Variants in PLXDC2 observed in about 807,000 individuals in gnomAD.
PLXDC2 encodes plexin domain-containing protein 2.
Under a neutral mutation model 68.9 loss-of-function variants are expected in PLXDC2, and 40 were observed. That is an observed-to-expected ratio of 0.58 (90% CI 0.45 to 0.76). The LOEUF (loss-of-function observed/expected upper bound fraction) is 0.76. Among genes scored for constraint, PLXDC2 ranks in the 30% least tolerant of loss-of-function variants. The pLI is 0.00. For synonymous variants in PLXDC2, 243 were observed against 234.2 expected, an observed-to-expected ratio of 1.04 and a Z score of -0.34; for missense variants, 644 against 661.9, an observed-to-expected ratio of 0.97 and a Z score of 0.30.
At chr10:19,843,648 T>C (rs1452814882) in intron 1 of PLXDC2, among the ~76,000 whole-genome samples, 1 of 152,186 alleles carries the variant, frequency 6.6e-6, no homozygotes, top group African/African-American at 2.4e-5. Context: ...GTCATTATAT[T>C]AGGGGAAATA....
At chr10:19,897,094 C>G (rs1203278634) in intron 1 of PLXDC2, among the ~76,000 whole-genome samples, 2 of 152,196 alleles carry the variant, frequency 1.3e-5, no homozygotes, top group Admixed American at 6.5e-5. Flanking sequence ...GTTTTACACT[C>G]TTTTCTTATC....
chr10:20,046,397 T>G (rs1260764815), intron 2 of PLXDC2, among the ~76,000 whole-genome samples: 1 of 152,118 alleles, frequency 6.6e-6, no homozygotes, highest in Non-Finnish European at 1.5e-5. Context: ...GCAAAACATT[T>G]AATCATTATT....
intron 12 of PLXDC2, among the ~76,000 whole-genome samples, chr10:20,240,363 C>T (rs977627573): frequency 6.6e-6 from 1 of 152,090 alleles, no homozygotes. Context: ...GATTCCATGT[C>T]TTTGCTATTG....
At chr10:20,206,502 T>A (rs780853272) in intron 9 of PLXDC2, among the ~76,000 whole-genome samples, 24 of 151,666 alleles carry the variant, frequency 1.6e-4, no homozygotes, top group Non-Finnish European at 2.9e-4. Flanking sequence ...AAAGGTAGAG[T>A]CATGAAAGAG....
intron 1 of PLXDC2, among the ~76,000 whole-genome samples, chr10:19,846,403 G>C (rs1031293969): frequency 6.6e-6 from 1 of 152,114 alleles, no homozygotes; most frequent in African/African-American, 2.4e-5. Flanking sequence ...GAGGGAAAAA[G>C]AAAGTCAAGT....
intron 12 of PLXDC2, among the ~76,000 whole-genome samples, chr10:20,238,694 C>CACACATATATATGTATATATATATATAT (rs1835472370): frequency 8.6e-5 from 2 of 23,338 alleles, no homozygotes; most frequent in Admixed American, 6.9e-4. Context: ...TATATATATA[C>CACACATATATATGTATATATATATATAT]ACACATATAT....
At chr10:20,228,053 A>G (rs976293604) in intron 12 of PLXDC2, among the ~76,000 whole-genome samples, 26 of 152,156 alleles carry the variant, frequency 1.7e-4, no homozygotes, top group Non-Finnish European at 7.3e-5. Flanking sequence ...GTGCCATTGA[A>G]TAGGAAATAC....
intron 1 of PLXDC2, among the ~76,000 whole-genome samples, chr10:19,915,957 C>G (rs966890970): frequency 6.6e-6 from 1 of 152,010 alleles, no homozygotes; most frequent in Non-Finnish European, 1.5e-5. Context: ...TTTTTCCCTT[C>G]CCTCTATCTC....
intron 1 of PLXDC2, among the ~76,000 whole-genome samples, chr10:19,936,031 C>A (rs1343400235): frequency 6.6e-6 from 1 of 152,140 alleles, no homozygotes; most frequent in Non-Finnish European, 1.5e-5. Flanking sequence ...AATTTGAAAT[C>A]GTTGAGAAAC....
intron 4 of PLXDC2, among the ~76,000 whole-genome samples, chr10:20,142,847 C>A (rs1043152180): frequency 2.0e-5 from 3 of 151,560 alleles, no homozygotes; most frequent in East Asian, 3.9e-4. Flanking sequence ...TACCAGATGT[C>A]GTTTCTAAAA....
At chr10:19,879,152 T>C (rs981293935) in intron 1 of PLXDC2, among the ~76,000 whole-genome samples, 1 of 152,122 alleles carries the variant, frequency 6.6e-6, no homozygotes, top group Non-Finnish European at 1.5e-5. Context: ...ATCCCTTCAT[T>C]TAGGGGACTA....
chr10:19,952,099 A>G lies in PLXDC2; in HGVS notation c.113-49676A>G, dbSNP rs537993545. Among the ~76,000 whole-genome samples, 12 of 152,314 alleles carry G rather than the reference A, an allele frequency of 7.9e-5. No individual in the cohort carries two copies. In the South Asian group the frequency reaches 2.5e-3, roughly 32 times the overall value. ...ATACCCCAAATGGCAGCATCATGCCATATACCCTTGTAGCAATCCTGCACA... is the reference window on the plus strand; with the variant it reads ...ATACCCCAAATGGCAGCATCATGCCGTATACCCTTGTAGCAATCCTGCACA... On this transcript the variant is annotated intron_variant, in intron 1 of 13. Coordinates refer to ENST00000377252, the MANE Select transcript of PLXDC2 (RefSeq NM_032812.9).
intron 1 of PLXDC2, among the ~76,000 whole-genome samples, chr10:19,883,183 C>T (rs1459937877): frequency 2.0e-5 from 3 of 151,972 alleles, no homozygotes; most frequent in East Asian, 3.9e-4. Flanking sequence ...AGGATGGTCT[C>T]GATCTCCTGA....
intron 13 of PLXDC2, among the ~76,000 whole-genome samples, chr10:20,273,484 AAT>A (rs1255510959): frequency 6.6e-6 from 1 of 152,216 alleles, no homozygotes; most frequent in Non-Finnish European, 1.5e-5. Flanking sequence ...GAGTTCACAG[AAT>A]ATGACATCCG....
chr10:20,058,927 C>G (rs1165293144), intron 3 of PLXDC2, among the ~76,000 whole-genome samples: 4 of 152,212 alleles, frequency 2.6e-5, no homozygotes, highest in African/African-American at 9.7e-5. Context: ...CTATTTCACT[C>G]TTTCCAAAGT....
intron 4 of PLXDC2, among the ~76,000 whole-genome samples, chr10:20,138,639 G>A (rs1174220388): frequency 6.6e-6 from 1 of 152,186 alleles, no homozygotes; most frequent in Admixed American, 6.6e-5. Flanking sequence ...AAGGTTGGGT[G>A]CAGTGGCTCA....
intron 1 of PLXDC2, among the ~76,000 whole-genome samples, chr10:19,955,073 G>GGT (rs1834046257): frequency 1.1e-5 from 1 of 94,412 alleles, no homozygotes; most frequent in African/African-American, 5.4e-5. Context: ...GCCTTTCACT[G>GGT]ATTTTTTTTT....
chr10:20,230,515 C>G (rs997985703), intron 12 of PLXDC2, among the ~76,000 whole-genome samples: 1 of 150,748 alleles, frequency 6.6e-6, no homozygotes, highest in African/African-American at 2.4e-5. Flanking sequence ...ACTAAAAATA[C>G]AAAAAAATTA....
chr10:19,959,028 G>A (rs913868535), intron 1 of PLXDC2, among the ~76,000 whole-genome samples: 1 of 152,196 alleles, frequency 6.6e-6, no homozygotes, highest in Non-Finnish European at 1.5e-5. Flanking sequence ...GAAACAGAAA[G>A]CAACATAGTT....
Sources: allele counts gnomAD v4.1 joint callset (sites outside exome capture counted in the v4.1 genomes callset), GRCh38; gene constraint gnomAD v4.1.1; transcripts MANE v1.5; gene names NCBI Gene and HGNC (gene_info 2026-07-23, HGNC 2026-07-21).